C1orf87: variants seen among roughly 807,000 people sequenced by gnomAD.
C1orf87 encodes uncharacterized protein C1orf87.
A neutral mutation model predicts 60.5 loss-of-function variants in C1orf87; 58 were observed. That is an observed-to-expected ratio of 0.96 (90% CI 0.78 to 1.19). The LOEUF (loss-of-function observed/expected upper bound fraction) is 1.19. C1orf87 is among the 50% of genes most tolerant of loss of function. The probability of loss-of-function intolerance (pLI) is 0.00; values close to 1 mark genes in which losing one functional copy is unlikely to be tolerated. For missense variants in C1orf87, 673 were observed against 638.6 expected (o/e 1.05, Z -0.58); for synonymous variants, 236 against 227.4 (o/e 1.04, Z -0.34).
chr1:60,064,359 TAA>T (rs1491276442), intron 2 of C1orf87, among the ~76,000 whole-genome samples: 1 of 142,484 alleles, frequency 7.0e-6, no homozygotes, highest in Non-Finnish European at 1.5e-5. Flanking sequence ...ATGTAATATA[TAA>T]TATATATATA....
chr1:60,034,066 A>C (rs1261052580), intron 6 of C1orf87, among the ~76,000 whole-genome samples: 1 of 152,230 alleles, frequency 6.6e-6, no homozygotes, highest in African/African-American at 2.4e-5. Context: ...AGCAAAGCAA[A>C]GCAGATTCCA....
chr1:60,064,514 C>A (rs1197401622), intron 2 of C1orf87, among the ~76,000 whole-genome samples: 3 of 132,184 alleles, frequency 2.3e-5, no homozygotes, highest in Admixed American at 9.1e-5. Context: ...ATTAAAAATA[C>A]TTTATTGCTA....
chr1:60,016,135 A>G (rs1456687693), intron 8 of C1orf87, among the ~76,000 whole-genome samples: 1 of 152,180 alleles, frequency 6.6e-6, no homozygotes, highest in Admixed American at 6.6e-5. Context: ...CTTTGGAGGG[A>G]TACAATTCAG....
At chr1:60,064,288 T>G (rs11576710) in intron 2 of C1orf87, among the ~76,000 whole-genome samples, 31,273 of 113,812 alleles carry the variant, frequency 0.27, 2,731 homozygotes, top group Middle Eastern at 0.36. Flanking sequence ...AATTATATAT[T>G]ATATATATAT....
At chr1:60,064,122 A>C (rs552560295) in intron 2 of C1orf87, among the ~76,000 whole-genome samples, 1 of 151,600 alleles carries the variant, frequency 6.6e-6, no homozygotes, top group South Asian at 2.1e-4. Context: ...CCTGACCTCC[A>C]ACATTGAACT....
At position 60,041,071 on chromosome 1, in the gene C1orf87, A is replaced by G; in HGVS notation, c.403T>C (p.Tyr135His). Residue 135 changes from tyrosine (Y) to histidine (H), a missense_variant, in exon 4 of 12, where the codon TAT becomes CAT. By Grantham distance (83) the Tyr-to-His change is moderately conservative. Coordinates refer to ENST00000371201, the MANE Select transcript of C1orf87 (RefSeq NM_152377.3). ...TTTCTCCTGGGAATGCCATGCACATAGGATAAGGACTGGTCTCCGGTTGGT... is the reference window on the plus strand; with the variant it reads ...TTTCTCCTGGGAATGCCATGCACATGGGATAAGGACTGGTCTCCGGTTGGT... ...SVPTGDQSLS[Y>H]VHGIPRRKLR... 1 of 1,613,380 alleles carries G rather than the reference A, an allele frequency of 6.2e-7. No individual in the cohort carries two copies. The highest frequency in any genetic ancestry group is 8.5e-7 in the Non-Finnish European group (1 of 1,179,456).
rs756021690 is a variant in C1orf87 at position 59,990,681 on chromosome 1, C to T, written c.1633G>A (p.Glu545Lys). The T allele has an allele frequency of 1.9e-6, 3 of 1,613,756 alleles. No homozygotes were observed. Among genetic ancestry groups the T allele is most frequent in the South Asian group, 2.2e-5 (2 of 91,058 alleles). The stretch of plus-strand genomic sequence containing the variant: ...ACAATATGGGCTTGTTATCATAGCT[C>T]CTTTAAGTACCGCAGTGCTGGCTCC... ...LLEPALRYLKEL is the reference protein window; with the variant it reads ...LLEPALRYLKKL The change falls in exon 12 of 12, where the codon GAG becomes AAG. Residue 545 changes from glutamate (E) to lysine (K), a missense_variant. Physicochemically the swap from Glu to Lys is moderately conservative, Grantham distance 56. Coordinates refer to ENST00000371201, the MANE Select transcript of C1orf87 (RefSeq NM_152377.3).
At chr1:60,060,290 T>G (rs1421664593) in intron 2 of C1orf87, among the ~76,000 whole-genome samples, 1 of 152,158 alleles carries the variant, frequency 6.6e-6, no homozygotes, top group African/African-American at 2.4e-5. Flanking sequence ...TCTTTCATGT[T>G]GTGTGACTTT....
intron 3 of C1orf87, among the ~76,000 whole-genome samples, chr1:60,050,532 G>T (rs1192696391): frequency 6.7e-6 from 1 of 149,260 alleles, no homozygotes; most frequent in African/African-American, 2.5e-5. Flanking sequence ...CTTGATTGTT[G>T]GTAGTTTTTT....
chr1:60,042,530 G>C (rs77821674), intron 3 of C1orf87, among the ~76,000 whole-genome samples: 1,940 of 152,328 alleles, frequency 0.013, 56 homozygotes, highest in African/African-American at 0.045. Context: ...GCTCTCTAGA[G>C]TGAGCAGAGT....
intron 9 of C1orf87, among the ~76,000 whole-genome samples, chr1:60,004,014 A>G (rs1327618248): frequency 1.3e-5 from 2 of 152,058 alleles, no homozygotes; most frequent in African/African-American, 4.8e-5. Context: ...TTGTCACGAG[A>G]ACCCATCCTC....
chr1:60,060,699 A>C (rs1279722391), intron 2 of C1orf87, among the ~76,000 whole-genome samples: 15 of 152,146 alleles, frequency 9.9e-5, no homozygotes, highest in Admixed American at 9.8e-4. Flanking sequence ...CCCCCTTTAA[A>C]AAACAAAGAT....
intron 11 of C1orf87, 91 bp from the exon 12 acceptor site, chr1:59,990,924 A>G: frequency 7.6e-7 from 1 of 1,312,202 alleles, no homozygotes; most frequent in South Asian, 1.4e-5. Flanking sequence ...ACTTCCAGGT[A>G]AAGACTAAAT....
intron 2 of C1orf87, among the ~76,000 whole-genome samples, chr1:60,065,029 A>ATATATATATTATATAT (rs1491291377): frequency 3.4e-5 from 4 of 116,194 alleles, no homozygotes; most frequent in African/African-American, 6.7e-5. Flanking sequence ...ATATATATTT[A>ATATATATATTATATAT]ATATATATAT....
intron 9 of C1orf87, among the ~76,000 whole-genome samples, chr1:60,004,132 A>T (rs1395289571): frequency 2.0e-5 from 3 of 152,064 alleles, no homozygotes; most frequent in Non-Finnish European, 4.4e-5. Context: ...CTCCTGTTAA[A>T]GGGATTCTTG....
intron 8 of C1orf87, among the ~76,000 whole-genome samples, chr1:60,024,346 C>T (rs895029627): frequency 1.1e-4 from 17 of 152,116 alleles, no homozygotes; most frequent in African/African-American, 4.1e-4. Flanking sequence ...AATTTGGCAC[C>T]ATTATTACAA....
At chr1:60,061,827 T>C (rs1209232575) in intron 2 of C1orf87, among the ~76,000 whole-genome samples, 1 of 143,328 alleles carries the variant, frequency 7.0e-6, no homozygotes. Flanking sequence ...GGTGCACACC[T>C]GTAGTTCCAG....
chr1:60,023,599 G>C (rs1055427444), intron 8 of C1orf87, among the ~76,000 whole-genome samples: 1 of 152,052 alleles, frequency 6.6e-6, no homozygotes. Flanking sequence ...CTTCATACTT[G>C]TTTTCCCTTT....
At chr1:59,992,834 T>C (rs1249649880) in intron 11 of C1orf87, among the ~76,000 whole-genome samples, 1 of 152,254 alleles carries the variant, frequency 6.6e-6, no homozygotes, top group Admixed American at 6.5e-5. Context: ...TTCTGTTCTA[T>C]TCCAGTGTGT....
Sources: allele counts gnomAD v4.1 joint callset (sites outside exome capture counted in the v4.1 genomes callset), GRCh38; gene constraint gnomAD v4.1.1; transcripts MANE v1.5; gene names NCBI Gene and HGNC (gene_info 2026-07-23, HGNC 2026-07-21).